Variants in SNX29 observed in about 807,000 individuals in gnomAD.
SNX29 encodes sorting nexin 29.
Under a neutral mutation model 102.1 loss-of-function variants are expected in SNX29, and 78 were observed. The observed-to-expected ratio is 0.76, with a 90% CI of 0.64 to 0.92. SNX29 has a LOEUF of 0.92. SNX29 is among the 40% of genes least tolerant of loss of function. The pLI is 0.00. For missense variants in SNX29, 1,280 were observed against 1,061.7 expected (o/e 1.21, Z -2.86); for synonymous variants, 580 against 414.5 (o/e 1.40, Z -4.85).
chr16:12,569,197 T>C lies in SNX29; in HGVS notation c.*568T>C, dbSNP rs557518093. 24 of 214,808 alleles carry C rather than the reference T, an allele frequency of 1.1e-4. No individual in the cohort carries two copies. The highest frequency in any genetic ancestry group is 5.4e-4 in the African/African-American group (24 of 44,096). The allele number at this position is 214,808 out of a possible 1,614,324, so 13.3% of individuals were successfully genotyped here. On this transcript the variant is annotated 3_prime_UTR_variant, in exon 21 of 21. Coordinates refer to ENST00000566228, the MANE Select transcript of SNX29 (RefSeq NM_032167.5). Reference sequence around the variant, plus strand: ...AACAGTCATTAGACACCTGGCACTGTCACAGCTCACTTTTCCAGAGGGATA... The same window carrying C: ...AACAGTCATTAGACACCTGGCACTGCCACAGCTCACTTTTCCAGAGGGATA...
rs68189960 is a variant in SNX29 at position 12,045,610 on chromosome 16, ATATTATTAT to A, written c.429-745_429-737del. Among the ~76,000 whole-genome samples, 43 of 127,290 alleles carry A rather than the reference ATATTATTAT, an allele frequency of 3.4e-4. No individual in the cohort carries two copies. In the Middle Eastern group the frequency reaches 0.013, roughly 37 times the overall value. The allele number at this position is 127,290 out of a possible 152,430, so 83.5% of individuals were successfully genotyped here. ...CAGGTCTGTAACCTAGGCAGGCATT[ATATTATTAT>A]TATTATTATTATTATTATTATTATT... On this transcript the variant is annotated intron_variant, in intron 5 of 20. Transcript: ENST00000566228.
intron 1 of SNX29, among the ~76,000 whole-genome samples, chr16:11,996,235 T>G (rs2056068138): frequency 6.6e-6 from 1 of 151,796 alleles, no homozygotes; most frequent in Non-Finnish European, 1.5e-5. Context: ...AATAAATAAA[T>G]TATCTGTGAG....
chr16:12,002,918 G>A, intron 2 of SNX29, 73 bp from the exon 3 acceptor site: 1 of 1,577,264 alleles, frequency 6.3e-7, no homozygotes, highest in Admixed American at 1.7e-5. Flanking sequence ...CTTAAGCCCT[G>A]TGTAGGCTGT....
intron 15 of SNX29, among the ~76,000 whole-genome samples, chr16:12,306,290 G>A (rs1048404018): frequency 2.6e-5 from 4 of 151,762 alleles, no homozygotes; most frequent in Non-Finnish European, 4.4e-5. Flanking sequence ...TCACTCACAC[G>A]GCATGGTGAT....
At chr16:12,499,271 T>C (rs1177566147) in intron 19 of SNX29, among the ~76,000 whole-genome samples, 2 of 152,234 alleles carry the variant, frequency 1.3e-5, no homozygotes, top group South Asian at 2.1e-4. Context: ...TTGGAGACTT[T>C]TGCAGATGCC....
At position 12,308,149 on chromosome 16, in the gene SNX29, G is replaced by A. The variant is rs1163178214; in HGVS notation, c.1782+30113G>A. On this transcript the variant is annotated intron_variant, in intron 15 of 20. Transcript: ENST00000566228. The stretch of plus-strand genomic sequence containing the variant: ...GTGATGCATGGTCTCTGCTCTGAGG[G>A]TTTTTCCCCAACCAACAGCAGAGAT... Among the ~76,000 whole-genome samples, 4 of 152,182 alleles carry A rather than the reference G, an allele frequency of 2.6e-5. No individual in the cohort carries two copies. The East Asian group carries it at 7.7e-4, about 29-fold the overall frequency.
intron 20 of SNX29, among the ~76,000 whole-genome samples, chr16:12,563,802 C>T (rs1173299677): frequency 6.6e-6 from 1 of 152,238 alleles, no homozygotes; most frequent in Non-Finnish European, 1.5e-5. Context: ...GCAACACCCA[C>T]CCATTTGCTG....
At chr16:12,041,983 G>A (rs1458474278) in intron 4 of SNX29, among the ~76,000 whole-genome samples, 3 of 152,124 alleles carry the variant, frequency 2.0e-5, no homozygotes, top group Non-Finnish European at 4.4e-5. Context: ...AGGTTTTAGA[G>A]TCATTTTTAT....
intron 15 of SNX29, among the ~76,000 whole-genome samples, chr16:12,354,973 A>T (rs554787314): frequency 2.0e-5 from 3 of 152,308 alleles, no homozygotes; most frequent in South Asian, 2.1e-4. Context: ...TCTGTACCTC[A>T]GGGACAGAAG....
intron 13 of SNX29, among the ~76,000 whole-genome samples, chr16:12,160,870 T>C (rs190384040): frequency 2.2e-4 from 33 of 152,368 alleles, no homozygotes; most frequent in Non-Finnish European, 4.0e-4. Context: ...GTCTGGACTG[T>C]GGGAGCTTTC....
chr16:12,369,156 G>A (rs998875333), intron 16 of SNX29, among the ~76,000 whole-genome samples: 19 of 149,770 alleles, frequency 1.3e-4, no homozygotes, highest in African/African-American at 4.7e-4. Context: ...TTTTTTTTGA[G>A]ACGGAGTTTT....
In SNX29 at chr16:12,293,142, A is replaced by C. The variant is rs558610826; in HGVS notation, c.1782+15106A>C. 8.1e-4 allele frequency among the ~76,000 whole-genome samples: 123 copies of C among 152,308 alleles called. 1 individual carries two copies. Among genetic ancestry groups the C allele is most frequent in the African/African-American group, 2.9e-3 (122 of 41,562 alleles). On this transcript the variant is annotated intron_variant, in intron 15 of 20. Coordinates refer to ENST00000566228, the MANE Select transcript of SNX29 (RefSeq NM_032167.5). ...ATTTTCAAAGAGATGCGGTCTTGCT[A>C]TGTTGGCCAGGCCAGTCTTGAACTC...
At chr16:12,107,723 G>A (rs965620422) in intron 11 of SNX29, among the ~76,000 whole-genome samples, 5 of 152,150 alleles carry the variant, frequency 3.3e-5, no homozygotes, top group African/African-American at 7.2e-5. Context: ...GGTGGGCACC[G>A]TGGATGTGAT....
intron 18 of SNX29, among the ~76,000 whole-genome samples, chr16:12,452,794 C>G (rs1224966243): frequency 6.6e-6 from 1 of 152,124 alleles, no homozygotes; most frequent in Non-Finnish European, 1.5e-5. Context: ...TGCTGTGGGA[C>G]AGGAACTGTC....
Position 12,573,302 on chromosome 16 carries a change from TG to T in SNX29, c.*4676del, listed in dbSNP as rs2079226261. The T allele has an allele frequency of 8.8e-6, 2 of 226,864 alleles. No homozygotes were observed. Among genetic ancestry groups the T allele is most frequent in the Admixed American group, 5.7e-5 (1 of 17,528 alleles). 14.1% of individuals were successfully genotyped at this position (226,864 alleles called of 1,614,324 possible). On this transcript the variant is annotated 3_prime_UTR_variant, in exon 21 of 21. Transcript: ENST00000566228. ...CTAGCCATGAGCCATTGCCATCTTA[TG>T]GGCCCGATTTGGGTACTCTGAATTA...
At chr16:12,152,293 T>A (rs2055335429) in intron 13 of SNX29, among the ~76,000 whole-genome samples, 1 of 152,168 alleles carries the variant, frequency 6.6e-6, no homozygotes, top group South Asian at 2.1e-4. Flanking sequence ...GTGATACTTT[T>A]CTGTTAAGAG....
intron 19 of SNX29, among the ~76,000 whole-genome samples, chr16:12,518,807 G>T (rs950217830): frequency 2.4e-4 from 36 of 152,218 alleles, no homozygotes; most frequent in African/African-American, 8.2e-4. Flanking sequence ...CTGTCTTGCA[G>T]ATGAGAAACA....
At chr16:12,376,903 T>C (rs2082895989) in intron 16 of SNX29, among the ~76,000 whole-genome samples, 1 of 152,150 alleles carries the variant, frequency 6.6e-6, no homozygotes, top group African/African-American at 2.4e-5. Flanking sequence ...TGTAATTTCA[T>C]GTCTTGAGGG....
intron 19 of SNX29, among the ~76,000 whole-genome samples, chr16:12,497,444 C>T (rs1204991269): frequency 1.3e-5 from 2 of 152,128 alleles, no homozygotes; most frequent in African/African-American, 2.4e-5. Context: ...GAGAGTGTAT[C>T]ATCGTGGATG....
Sources: gnomAD v4.1 joint callset for allele counts (sites outside exome capture counted in the v4.1 genomes callset) on GRCh38, gnomAD v4.1.1 for gene constraint, MANE v1.5 for transcripts, NCBI Gene and HGNC (gene_info 2026-07-23, HGNC 2026-07-21) for gene names.